MKLN1: variants seen among roughly 807,000 people sequenced by gnomAD.
The protein encoded by MKLN1 is muskelin.
In MKLN1, 18 loss-of-function variants were observed where a neutral mutation model predicts 99.0. The ratio of observed to expected loss-of-function variants is 0.18; its 90% CI spans 0.13 to 0.27. MKLN1 has a LOEUF of 0.27. Among genes scored for constraint, MKLN1 ranks in the 10% least tolerant of loss-of-function variants. The pLI, the probability that MKLN1 is intolerant of heterozygous loss-of-function variation, is 1.00. For synonymous variants in MKLN1, 288 were observed against 293.2 expected, an observed-to-expected ratio of 0.98 and a Z score of 0.18; for missense variants, 621 against 875.9, an observed-to-expected ratio of 0.71 and a Z score of 3.67.
intron 4 of MKLN1, 119 bp downstream of exon 4, chr7:131,389,091 A>G (rs937318959): frequency 1.2e-5 from 7 of 596,058 alleles, no homozygotes; most frequent in African/African-American, 9.4e-5. Flanking sequence ...TTATGGGAAT[A>G]TTGCTGCGCT....
intron 3 of MKLN1, among the ~76,000 whole-genome samples, chr7:131,254,813 A>G (rs968800929): frequency 1.3e-5 from 2 of 152,168 alleles, no homozygotes; most frequent in Admixed American, 6.5e-5. Context: ...ATACCATTAA[A>G]CACATCAACA....
At chr7:131,235,474 CA>C (rs1242879084) in intron 3 of MKLN1, among the ~76,000 whole-genome samples, 1 of 152,146 alleles carries the variant, frequency 6.6e-6, no homozygotes, top group Non-Finnish European at 1.5e-5. Flanking sequence ...TTTAAAAGTT[CA>C]AAAGCGGCTG....
At chr7:131,278,069 G>A (rs1051798501) in intron 3 of MKLN1, among the ~76,000 whole-genome samples, 14 of 151,352 alleles carry the variant, frequency 9.2e-5, no homozygotes, top group East Asian at 1.9e-4. Context: ...TTGAGACAAG[G>A]TCTGGCTCTA....
chr7:131,294,870 A>G (rs1285962481), intron 3 of MKLN1, among the ~76,000 whole-genome samples: 1 of 152,186 alleles, frequency 6.6e-6, no homozygotes, highest in African/African-American at 2.4e-5. Context: ...CACTTGCTAC[A>G]TACAAAAAAG....
At chr7:131,402,957 C>T (rs2116273020) in intron 6 of MKLN1, among the ~76,000 whole-genome samples, 1 of 152,254 alleles carries the variant, frequency 6.6e-6, no homozygotes. Flanking sequence ...GCATTGACTT[C>T]CGCTTAAAGT....
chr7:131,277,362 C>A (rs1230024140), intron 3 of MKLN1, among the ~76,000 whole-genome samples: 4 of 151,734 alleles, frequency 2.6e-5, no homozygotes, highest in African/African-American at 9.7e-5. Flanking sequence ...TGGCTCATTG[C>A]AACCTCCGCC....
chr7:131,312,962 G>C (rs915966729), intron 3 of MKLN1, among the ~76,000 whole-genome samples: 1 of 152,188 alleles, frequency 6.6e-6, no homozygotes, highest in Non-Finnish European at 1.5e-5. Context: ...AGGGCCACTT[G>C]TCTAGTCCTC....
intron 10 of MKLN1, among the ~76,000 whole-genome samples, chr7:131,440,687 C>T (rs1795812243): frequency 6.7e-6 from 1 of 149,976 alleles, no homozygotes; most frequent in Non-Finnish European, 1.5e-5. Context: ...AAATGATTAA[C>T]CAGGGAAGGT....
intron 1 of MKLN1, among the ~76,000 whole-genome samples, chr7:131,341,916 G>T (rs1799418562): frequency 6.6e-6 from 1 of 152,192 alleles, no homozygotes; most frequent in Non-Finnish European, 1.5e-5. Context: ...GTGCATCTCA[G>T]TTCCTTACAG....
chr7:131,325,126 C>T (rs565834350), upstream of MKLN1, among the ~76,000 whole-genome samples: 10 of 151,874 alleles, frequency 6.6e-5, no homozygotes, highest in Non-Finnish European at 1.0e-4. Flanking sequence ...TAAATATTTA[C>T]TGAACATCTT....
intron 16 of MKLN1, among the ~76,000 whole-genome samples, chr7:131,478,291 A>C (rs1052433714): frequency 6.6e-6 from 1 of 152,210 alleles, no homozygotes. Flanking sequence ...CAATCTGTTC[A>C]TATGTGTTAG....
intron 2 of MKLN1, among the ~76,000 whole-genome samples, chr7:131,200,155 G>A (rs1034850203): frequency 9.9e-5 from 15 of 152,148 alleles, no homozygotes; most frequent in African/African-American, 3.1e-4. Context: ...ACTACAGGGC[G>A]TGCCACTGCA....
In MKLN1 at chr7:131,470,983, T is replaced by C. The variant is rs753936691; in HGVS notation, c.2031+39T>C. 15 of 1,381,076 alleles carry C rather than the reference T, an allele frequency of 1.1e-5. No individual in the cohort carries two copies. The South Asian group carries it at 1.9e-4, about 17-fold the overall frequency. The allele number at this position is 1,381,076 out of a possible 1,614,324, so 85.6% of individuals were successfully genotyped here. ...GTAATAAATTTCAGAAATTAAGTATTTTTAAATGTCTTCCTAACTTATATT... is the reference window on the plus strand; with the variant it reads ...GTAATAAATTTCAGAAATTAAGTATCTTTAAATGTCTTCCTAACTTATATT... On this transcript the variant is annotated intron_variant, in intron 16 of 17. Transcript: ENST00000352689.
chr7:131,404,857 A>C (rs1160812299), intron 6 of MKLN1, among the ~76,000 whole-genome samples: 1 of 152,134 alleles, frequency 6.6e-6, no homozygotes, highest in Admixed American at 6.6e-5. Context: ...TTGGCCTCCC[A>C]AAGTGCTAGA....
At chr7:131,127,050 A>G (rs1416484066) in intron 1 of MKLN1, among the ~76,000 whole-genome samples, 1 of 152,052 alleles carries the variant, frequency 6.6e-6, no homozygotes, top group Non-Finnish European at 1.5e-5. Context: ...CTGTAATCCC[A>G]GCTACTCGGG....
At chr7:131,288,501 A>G (rs1447003425) in intron 3 of MKLN1, among the ~76,000 whole-genome samples, 1 of 152,182 alleles carries the variant, frequency 6.6e-6, no homozygotes, top group African/African-American at 2.4e-5. Flanking sequence ...ATCTTGAGTG[A>G]TAGAGATTCC....
At chr7:131,222,689 A>C (rs1191406911) in intron 3 of MKLN1, among the ~76,000 whole-genome samples, 2 of 152,044 alleles carry the variant, frequency 1.3e-5, no homozygotes, top group Admixed American at 6.6e-5. Context: ...ATAAGGGCAC[A>C]AGGAAGCCAT....
At chr7:131,294,763 G>A (rs1458834446) in intron 3 of MKLN1, among the ~76,000 whole-genome samples, 2 of 152,200 alleles carry the variant, frequency 1.3e-5, no homozygotes, top group Non-Finnish European at 2.9e-5. Flanking sequence ...GCTTGTGTGC[G>A]TTTCCCAGAT....
chr7:131,198,382 A>G (rs1449223417), intron 2 of MKLN1, among the ~76,000 whole-genome samples: 8 of 152,220 alleles, frequency 5.3e-5, no homozygotes, highest in African/African-American at 1.4e-4. Flanking sequence ...ATTTTTTTTT[A>G]AAGAAAAGCA....
Sources: allele counts gnomAD v4.1 joint callset (sites outside exome capture counted in the v4.1 genomes callset), GRCh38; gene constraint gnomAD v4.1.1; transcripts MANE v1.5; gene names NCBI Gene and HGNC (gene_info 2026-07-23, HGNC 2026-07-21).